Variants in LYRM4 observed in about 807,000 individuals in gnomAD.
LYRM4 encodes the protein LYR motif-containing protein 4.
Under a neutral mutation model 11.7 loss-of-function variants are expected in LYRM4, and 9 were observed. The observed-to-expected ratio is 0.77, with a 90% CI of 0.46 to 1.34. The LOEUF (loss-of-function observed/expected upper bound fraction) is 1.34, where lower values mean the gene tolerates loss of function less well. Ranked by LOEUF, LYRM4 falls within the 40% of genes most tolerant of loss-of-function variation. The pLI, the probability that LYRM4 is intolerant of heterozygous loss-of-function variation, is 0.00. For missense variants in LYRM4, 133 were observed against 112.5 expected (o/e 1.18, Z -0.82); for synonymous variants, 42 against 40.4 (o/e 1.04, Z -0.15).
intron 2 of LYRM4, among the ~76,000 whole-genome samples, chr6:5,177,658 G>A (rs1561850625): frequency 1.3e-5 from 2 of 152,156 alleles, no homozygotes; most frequent in East Asian, 1.9e-4. Flanking sequence ...GTATCCTTAC[G>A]GCACCAGGTT....
intron 2 of LYRM4, among the ~76,000 whole-genome samples, chr6:5,166,327 T>C (rs1759085327): frequency 6.6e-6 from 1 of 152,256 alleles, no homozygotes; most frequent in Non-Finnish European, 1.5e-5. Flanking sequence ...GACATGGCCA[T>C]ATCATGACAT....
chr6:5,151,274 G>A (rs887417735), intron 2 of LYRM4, among the ~76,000 whole-genome samples: 58 of 151,996 alleles, frequency 3.8e-4, no homozygotes, highest in African/African-American at 1.3e-3. Context: ...TAGTAGAGAC[G>A]GGTTTTCACC....
chr6:5,119,150 T>C (rs1377138534), intron 2 of LYRM4, among the ~76,000 whole-genome samples: 2 of 152,220 alleles, frequency 1.3e-5, no homozygotes, highest in Non-Finnish European at 2.9e-5. Context: ...ATTCTTAATG[T>C]GGAGGGAGGC....
chr6:5,163,068 C>T (rs926675269), intron 2 of LYRM4, among the ~76,000 whole-genome samples: 3 of 152,104 alleles, frequency 2.0e-5, no homozygotes, highest in Non-Finnish European at 4.4e-5. Flanking sequence ...TACTCTGATA[C>T]CATAATTTTA....
the LYRM4 span, among the ~76,000 whole-genome samples, chr6:5,046,488 G>A: frequency 1.2e-4 from 18 of 152,122 alleles, no homozygotes; most frequent in Admixed American, 3.9e-4. Context: ...ATTTGCACTC[G>A]GAGTCTCTCG....
intron 1 of LYRM4, among the ~76,000 whole-genome samples, chr6:5,223,962 C>G (rs1477487268): frequency 6.6e-6 from 1 of 152,204 alleles, no homozygotes; most frequent in East Asian, 1.9e-4. Context: ...ACAGGACTCT[C>G]TGGATTCCTG....
chr6:5,073,738 C>T, the LYRM4 span, among the ~76,000 whole-genome samples: 1 of 151,994 alleles, frequency 6.6e-6, no homozygotes, highest in South Asian at 2.1e-4. Context: ...CATCTTAAGA[C>T]ACAACAGCTG....
chr6:5,094,206 G>T, the LYRM4 span, among the ~76,000 whole-genome samples: 1 of 152,196 alleles, frequency 6.6e-6, no homozygotes, highest in Non-Finnish European at 1.5e-5. Flanking sequence ...TTGAGGCCAG[G>T]TGCAGTGGCT....
chr6:5,056,686 A>G, the LYRM4 span, among the ~76,000 whole-genome samples: 1 of 152,244 alleles, frequency 6.6e-6, no homozygotes, highest in Non-Finnish European at 1.5e-5. Flanking sequence ...ACATACAAGT[A>G]TTTCAAAATT....
intron 1 of LYRM4, among the ~76,000 whole-genome samples, chr6:5,222,090 G>A (rs752533433): frequency 6.6e-6 from 1 of 152,192 alleles, no homozygotes; most frequent in Non-Finnish European, 1.5e-5. Context: ...GTGAAGAAGA[G>A]CAGAAAGTTT....
chr6:5,254,245 C>T (rs1044842831), intron 1 of LYRM4, among the ~76,000 whole-genome samples: 2 of 152,264 alleles, frequency 1.3e-5, no homozygotes, highest in East Asian at 1.9e-4. Flanking sequence ...TGGCCTCATC[C>T]GCCATATTCA....
At chr6:5,135,908 T>C (rs180779782) in intron 2 of LYRM4, among the ~76,000 whole-genome samples, 8 of 152,242 alleles carry the variant, frequency 5.3e-5, no homozygotes, top group African/African-American at 1.9e-4. Context: ...AAACACTAAC[T>C]CTCCATTCTC....
the LYRM4 span, chr6:5,086,381 G>A: frequency 2.6e-6 from 4 of 1,536,142 alleles, no homozygotes; most frequent in African/African-American, 5.5e-5. Flanking sequence ...GGCGCCGAGT[G>A]CTTCCACTTC....
intron 2 of LYRM4, among the ~76,000 whole-genome samples, chr6:5,190,691 A>G (rs1760702154): frequency 1.3e-5 from 2 of 152,076 alleles, no homozygotes; most frequent in African/African-American, 4.8e-5. Context: ...TGTTAACACC[A>G]TTGTGCAATG....
chr6:5,061,178 T>C, the LYRM4 span, among the ~76,000 whole-genome samples: 1 of 152,372 alleles, frequency 6.6e-6, no homozygotes, highest in Admixed American at 6.5e-5. Context: ...TCTTAGTGTT[T>C]AATTTTTAAT....
intron 2 of LYRM4, among the ~76,000 whole-genome samples, chr6:5,152,956 C>G (rs539076749): frequency 6.6e-6 from 1 of 152,176 alleles, no homozygotes; most frequent in Non-Finnish European, 1.5e-5. Flanking sequence ...AGTACTATAT[C>G]CTTAGTAGCA....
chr6:5,066,680 C>A, the LYRM4 span: 2 of 1,007,124 alleles, frequency 2.0e-6, no homozygotes, highest in South Asian at 2.6e-5. Context: ...CTGGACTGCA[C>A]TGCAGCAATA....
intron 1 of LYRM4, among the ~76,000 whole-genome samples, chr6:5,256,199 G>A (rs2127780632): frequency 1.3e-5 from 2 of 152,152 alleles, no homozygotes; most frequent in Admixed American, 1.3e-4. Context: ...ATTTAAGAAT[G>A]TGGTTCTTGG....
chr6:5,217,527 G>A (rs535431467), intron 1 of LYRM4, among the ~76,000 whole-genome samples: 6 of 152,216 alleles, frequency 3.9e-5, no homozygotes, highest in Non-Finnish European at 8.8e-5. Flanking sequence ...TGTCAAAAAG[G>A]CATAATACTG....
Sources: allele counts gnomAD v4.1 joint callset (sites outside exome capture counted in the v4.1 genomes callset), GRCh38; gene constraint gnomAD v4.1.1; transcripts MANE v1.5; gene names NCBI Gene and HGNC (gene_info 2026-07-23, HGNC 2026-07-21).